The following DOCK10 variants were observed in gnomAD, a reference collection of about 807,000 sequenced individuals.
DOCK10 encodes dedicator of cytokinesis protein 10.
Under a neutral mutation model 280.1 loss-of-function variants are expected in DOCK10, and 145 were observed. The observed-to-expected ratio is 0.52, with a 90% confidence interval of 0.45 to 0.59. The LOEUF (loss-of-function observed/expected upper bound fraction) is 0.59. DOCK10 is among the 20% of genes least tolerant of loss of function. The pLI, the probability that DOCK10 is intolerant of heterozygous loss-of-function variation, is 0.00. For synonymous variants in DOCK10, 915 were observed against 942.2 expected (o/e 0.97, Z 0.53); for missense variants, 2,368 against 2,651.7 (o/e 0.89, Z 2.35).
chr2:224,945,091 C>T (rs767843041), intron 1 of DOCK10, among the ~76,000 whole-genome samples: 2 of 152,158 alleles, frequency 1.3e-5, no homozygotes, highest in African/African-American at 2.4e-5. Context: ...AAGATAGACA[C>T]GTTCTTCTGT....
chr2:225,032,132 C>T (rs1690094923), intron 1 of DOCK10, among the ~76,000 whole-genome samples: 1 of 151,932 alleles, frequency 6.6e-6, no homozygotes, highest in South Asian at 2.1e-4. Context: ...ATGAAAACCC[C>T]TTTAAAAGGA....
At chr2:224,802,172 A>G (rs1693061354) in intron 39 of DOCK10, 132 bp from the exon 40 acceptor site, 1 of 913,664 alleles carries the variant, frequency 1.1e-6, no homozygotes, top group East Asian at 2.7e-5. Flanking sequence ...TTTTATTACA[A>G]ATATTAATTA....
intron 4 of DOCK10, among the ~76,000 whole-genome samples, chr2:224,889,584 TAG>T (rs1274203132): frequency 6.6e-6 from 1 of 152,218 alleles, no homozygotes; most frequent in African/African-American, 2.4e-5. Flanking sequence ...TTTCTTCTTG[TAG>T]AGTCTTAGAG....
At chr2:224,793,488 G>C in intron 45 of DOCK10, 31 bp from the exon 46 acceptor site, 1 of 1,584,778 alleles carries the variant, frequency 6.3e-7, no homozygotes, top group Non-Finnish European at 8.7e-7. Context: ...AAGAGGCTCA[G>C]GGGATGGAGT....
chr2:224,892,037 G>C (rs1051278837), intron 4 of DOCK10, among the ~76,000 whole-genome samples: 2 of 152,176 alleles, frequency 1.3e-5, no homozygotes, highest in Non-Finnish European at 2.9e-5. Context: ...TTGCATTCTA[G>C]GGGAGGAGAG....
At chr2:224,845,345 C>T (rs1696266639) in intron 20 of DOCK10, 21 bp from the exon 21 acceptor site, 1 of 1,581,794 alleles carries the variant, frequency 6.3e-7, no homozygotes, top group Non-Finnish European at 8.6e-7. Flanking sequence ...GAATAACCAA[C>T]AAAAATTCTG....
At chr2:224,812,542 G>A (rs1404351089) in intron 31 of DOCK10, among the ~76,000 whole-genome samples, 3 of 152,150 alleles carry the variant, frequency 2.0e-5, no homozygotes, top group Non-Finnish European at 4.4e-5. Context: ...GAGTGGTGAG[G>A]GAGGGCATCC....
intron 28 of DOCK10, among the ~76,000 whole-genome samples, chr2:224,821,184 A>C (rs1694482465): frequency 1.3e-5 from 2 of 152,260 alleles, no homozygotes. Flanking sequence ...TTAATGTAGA[A>C]CATTTTTATA....
chr2:224,913,979 C>T (rs901071432), intron 3 of DOCK10, among the ~76,000 whole-genome samples: 27 of 152,046 alleles, frequency 1.8e-4, no homozygotes, highest in African/African-American at 5.8e-4. Flanking sequence ...CCTCGTGATC[C>T]GCCTGCCTTG....
intron 1 of DOCK10, among the ~76,000 whole-genome samples, chr2:224,938,723 C>T (rs745759965): frequency 7.9e-5 from 12 of 152,168 alleles, no homozygotes; most frequent in Non-Finnish European, 1.2e-4. Flanking sequence ...CCAACTTCCA[C>T]GCCACTTGTG....
intron 1 of DOCK10, among the ~76,000 whole-genome samples, chr2:225,035,575 T>TG (rs1553634947): frequency 5.6e-5 from 5 of 89,584 alleles, no homozygotes; most frequent in African/African-American, 1.9e-4. Flanking sequence ...TATATATATA[T>TG]ATATATATAT....
chr2:224,902,246 T>G (rs141251490), intron 3 of DOCK10, among the ~76,000 whole-genome samples: 3 of 152,236 alleles, frequency 2.0e-5, no homozygotes, highest in Non-Finnish European at 2.9e-5. Flanking sequence ...TCTGGCTACA[T>G]AGTAATAAGC....
chr2:224,825,458 G>T (rs1300771930), intron 27 of DOCK10, among the ~76,000 whole-genome samples: 1 of 151,982 alleles, frequency 6.6e-6, no homozygotes, highest in Non-Finnish European at 1.5e-5. Flanking sequence ...ATAAAACTTG[G>T]GTAATAAAGG....
chr2:224,855,065 A>ACACACACACC, intron 15 of DOCK10, 23 bp from the exon 16 acceptor site: 1 of 652,076 alleles, frequency 1.5e-6, no homozygotes, highest in South Asian at 2.0e-5. Context: ...ATGAGCAAGG[A>ACACACACACC]CACACACACA....
chr2:224,796,593 C>CTA (rs1692594432), intron 43 of DOCK10, among the ~76,000 whole-genome samples, 167 bp from the exon 44 acceptor site: 2 of 152,050 alleles, frequency 1.3e-5, no homozygotes, highest in Admixed American at 1.3e-4. Context: ...AGGGTGTTTC[C>CTA]TATAATCTTA....
At chr2:224,850,883 A>G (rs535837530) in intron 18 of DOCK10, among the ~76,000 whole-genome samples, 1 of 152,250 alleles carries the variant, frequency 6.6e-6, no homozygotes, top group East Asian at 1.9e-4. Context: ...CCATGCAGAA[A>G]CTGTGAGTCT....
intron 29 of DOCK10, among the ~76,000 whole-genome samples, chr2:224,816,962 T>C (rs1404316667): frequency 6.6e-6 from 1 of 152,228 alleles, no homozygotes; most frequent in Non-Finnish European, 1.5e-5. Flanking sequence ...ATGTAGCTTC[T>C]ATGAGATAAG....
intron 50 of DOCK10, chr2:224,778,505 C>T: frequency 6.9e-6 from 4 of 583,090 alleles, no homozygotes; most frequent in Non-Finnish European, 1.2e-5. Flanking sequence ...CTAGCCAGGC[C>T]AAAGAAACTC....
intron 1 of DOCK10, among the ~76,000 whole-genome samples, chr2:225,033,809 C>T (rs532850899): frequency 6.6e-6 from 1 of 152,296 alleles, no homozygotes; most frequent in South Asian, 2.1e-4. Context: ...GACAATGTAA[C>T]AGATGTAATG....
Sources: allele counts gnomAD v4.1 joint callset (sites outside exome capture counted in the v4.1 genomes callset), GRCh38; gene constraint gnomAD v4.1.1; transcripts MANE v1.5; gene names NCBI Gene and HGNC (gene_info 2026-07-23, HGNC 2026-07-21).